Variants in SNTG1 observed in about 807,000 individuals in gnomAD.
SNTG1 encodes syntrophin gamma 1.
Under a neutral mutation model 74.7 loss-of-function variants are expected in SNTG1, and 39 were observed. The observed-to-expected ratio is 0.52, with a 90% CI of 0.40 to 0.68. The LOEUF is 0.68. SNTG1 is among the 30% of genes least tolerant of loss of function. The probability of loss-of-function intolerance (pLI) is 0.00; values close to 1 mark genes in which losing one functional copy is unlikely to be tolerated. For synonymous variants in SNTG1, 254 were observed against 217.1 expected, an observed-to-expected ratio of 1.17 and a Z score of -1.49; for missense variants, 685 against 609.5, an observed-to-expected ratio of 1.12 and a Z score of -1.30.
At chr8:50,694,008 G>T (rs1228031181) in intron 15 of SNTG1, among the ~76,000 whole-genome samples, 1 of 151,926 alleles carries the variant, frequency 6.6e-6, no homozygotes, top group Non-Finnish European at 1.5e-5. Flanking sequence ...TAGAAAAGGA[G>T]AAAGATTTCA....
chr8:50,638,002 A>G (rs1407585590), intron 13 of SNTG1, among the ~76,000 whole-genome samples: 2 of 152,114 alleles, frequency 1.3e-5, no homozygotes, highest in Non-Finnish European at 2.9e-5. Flanking sequence ...TGATAGGTAG[A>G]AGAATTACCC....
chr8:50,654,095 T>A (rs1324171322), intron 13 of SNTG1, among the ~76,000 whole-genome samples: 1 of 152,180 alleles, frequency 6.6e-6, no homozygotes. Context: ...TTGTTTGTCT[T>A]CTGAATCTGT....
At chr8:50,563,311 C>T (rs1013454527) in intron 12 of SNTG1, among the ~76,000 whole-genome samples, 2 of 152,094 alleles carry the variant, frequency 1.3e-5, no homozygotes, top group African/African-American at 2.4e-5. Flanking sequence ...GGAAACATTG[C>T]TGAGAATGTA....
chr8:50,514,055 TC>T (rs112434762), intron 9 of SNTG1, among the ~76,000 whole-genome samples: 1 of 152,312 alleles, frequency 6.6e-6, no homozygotes, highest in African/African-American at 2.4e-5. Context: ...CCATCTTGGC[TC>T]CCCCTGCAAT....
intron 12 of SNTG1, among the ~76,000 whole-genome samples, chr8:50,582,833 A>G (rs2094619893): frequency 1.3e-5 from 2 of 152,144 alleles, no homozygotes; most frequent in Admixed American, 6.5e-5. Context: ...TGGGTCATTC[A>G]TAGAACTAAA....
intron 18 of SNTG1, among the ~76,000 whole-genome samples, chr8:50,788,614 G>A (rs1291367339): frequency 1.3e-5 from 2 of 151,900 alleles, no homozygotes; most frequent in Non-Finnish European, 2.9e-5. Flanking sequence ...GCATAAATGG[G>A]TTGAAAGCTT....
chr8:50,709,123 A>G, intron 17 of SNTG1, 145 bp downstream of exon 17: 1 of 639,840 alleles, frequency 1.6e-6, no homozygotes, highest in Non-Finnish European at 2.7e-6. Context: ...AAGATAAATT[A>G]TGCTTCGATC....
intron 13 of SNTG1, among the ~76,000 whole-genome samples, chr8:50,631,255 T>C (rs1585899456): frequency 1.3e-5 from 2 of 152,220 alleles, no homozygotes; most frequent in Non-Finnish European, 2.9e-5. Flanking sequence ...GGGCTTTGTA[T>C]AAGCACACAC....
chr8:50,490,252 G>C lies in SNTG1; in HGVS notation c.364-12526G>C, dbSNP rs374585140. ...TTGCTCAGGATCGCTTTGGCTATAT[G>C]AGCTCTTTTTTGGTTCCATATGAAA... On this transcript the variant is annotated intron_variant, in intron 8 of 18. Transcript: ENST00000642720. Among the ~76,000 whole-genome samples the C allele has an allele frequency of 1.8e-4, 27 of 152,230 alleles. No homozygotes were observed. The East Asian group carries it at 4.6e-3, about 26-fold the overall frequency.
chr8:50,178,883 C>A (rs1262142596), intron 2 of SNTG1, among the ~76,000 whole-genome samples: 1 of 152,120 alleles, frequency 6.6e-6, no homozygotes, highest in Non-Finnish European at 1.5e-5. Flanking sequence ...GCTGCCTGAG[C>A]TTTCAATGTC....
intron 9 of SNTG1, among the ~76,000 whole-genome samples, chr8:50,522,395 T>G (rs184511986): frequency 1.3e-5 from 2 of 152,236 alleles, no homozygotes; most frequent in African/African-American, 4.8e-5. Flanking sequence ...TATGCTGCCA[T>G]CTAGGCCTTG....
intron 1 of SNTG1, among the ~76,000 whole-genome samples, chr8:50,153,985 T>C (rs758257220): frequency 1.3e-5 from 2 of 152,238 alleles, no homozygotes; most frequent in Non-Finnish European, 2.9e-5. Flanking sequence ...TGTTAGGCTA[T>C]GCCCTGCCTC....
chr8:50,609,522 A>G lies in SNTG1; in HGVS notation c.849+18605A>G, dbSNP rs2130977275. Among the ~76,000 whole-genome samples the G allele has an allele frequency of 1.3e-5, 2 of 152,110 alleles. 1 individual carries two copies. The highest frequency in any genetic ancestry group is 4.1e-4 in the South Asian group (2 of 4,830). On this transcript the variant is annotated intron_variant, in intron 13 of 18. Transcript: ENST00000642720. ...CCTAGCTGTACATCTCTTTGTGTTT[A>G]TTCCACTTGAGACTTCTTGAATTTC...
chr8:50,501,164 C>T (rs1225075488), intron 8 of SNTG1, among the ~76,000 whole-genome samples: 1 of 152,032 alleles, frequency 6.6e-6, no homozygotes. Flanking sequence ...GGCTCCTTTA[C>T]AATCCAGAGG....
chr8:50,432,289 T>C (rs1251363158), intron 4 of SNTG1, among the ~76,000 whole-genome samples: 1 of 152,204 alleles, frequency 6.6e-6, no homozygotes, highest in African/African-American at 2.4e-5. Context: ...CTCTATTGAA[T>C]TGTTTTTATT....
intron 1 of SNTG1, among the ~76,000 whole-genome samples, chr8:50,054,979 A>C (rs1819900818): frequency 6.6e-6 from 1 of 152,058 alleles, no homozygotes. Flanking sequence ...AAGCCAGTGA[A>C]CTAGGCCTTC....
chr8:50,697,088 T>C (rs2095407868), intron 15 of SNTG1, among the ~76,000 whole-genome samples: 1 of 152,164 alleles, frequency 6.6e-6, no homozygotes, highest in African/African-American at 2.4e-5. Context: ...TGAGCTGTTT[T>C]GTCATATGTT....
At chr8:50,632,671 A>C (rs935894544) in intron 13 of SNTG1, among the ~76,000 whole-genome samples, 1 of 152,216 alleles carries the variant, frequency 6.6e-6, no homozygotes, top group South Asian at 2.1e-4. Flanking sequence ...TACTATTATG[A>C]AATAATAAAT....
At chr8:50,540,157 A>G (rs1202143255) in intron 11 of SNTG1, among the ~76,000 whole-genome samples, 1 of 152,198 alleles carries the variant, frequency 6.6e-6, no homozygotes, top group East Asian at 1.9e-4. Context: ...GCTGATAAGA[A>G]TGAGGCCACT....
Sources: gnomAD v4.1 joint callset for allele counts (sites outside exome capture counted in the v4.1 genomes callset) on GRCh38, gnomAD v4.1.1 for gene constraint, MANE v1.5 for transcripts, NCBI Gene and HGNC (gene_info 2026-07-23, HGNC 2026-07-21) for gene names.